The following CLMN variants were observed in gnomAD, a reference collection of about 807,000 sequenced individuals.
The protein encoded by CLMN is calmin.
In CLMN, 57 loss-of-function variants were observed where a neutral mutation model predicts 92.7. The observed-to-expected ratio is 0.61, with a 90% confidence interval of 0.50 to 0.77. The LOEUF (loss-of-function observed/expected upper bound fraction) is 0.77. CLMN is among the 30% of genes least tolerant of loss of function. CLMN has a pLI of 0.00. For missense variants in CLMN, 1,158 were observed against 1,237.5 expected (o/e 0.94, Z 0.96); for synonymous variants, 466 against 470.6 (o/e 0.99, Z 0.13).
intron 1 of CLMN, among the ~76,000 whole-genome samples, chr14:95,264,452 T>C (rs942918350): frequency 4.6e-5 from 7 of 152,226 alleles, no homozygotes; most frequent in African/African-American, 1.4e-4. Flanking sequence ...AAACATTCAG[T>C]CTTTAAGCTC....
At position 95,243,614 on chromosome 14, in the gene CLMN, C is replaced by T. The variant is rs560494480; in HGVS notation, c.83-13481G>A. ...GGGAGCATGGAGAAGAAAAATGATTCCTTGATTTTTTTTTCGGTAAAGTTT... is the reference window on the plus strand; with the variant it reads ...GGGAGCATGGAGAAGAAAAATGATTTCTTGATTTTTTTTTCGGTAAAGTTT... On this transcript the variant is annotated intron_variant, in intron 1 of 12. Transcript: ENST00000298912. Among the ~76,000 whole-genome samples the T allele has an allele frequency of 2.1e-5, 3 of 141,490 alleles. No individual in the cohort carries two copies. In the East Asian group the frequency reaches 5.9e-4, roughly 28 times the overall value. 92.8% of individuals were successfully genotyped at this position (141,490 alleles called of 152,430 possible). A position where few individuals can be genotyped will look rare whatever the true frequency, so the allele number is the denominator to read the frequency against.
At chr14:95,238,425 T>C (rs531748529) in intron 1 of CLMN, among the ~76,000 whole-genome samples, 1 of 147,436 alleles carries the variant, frequency 6.8e-6, no homozygotes, top group East Asian at 1.9e-4. Context: ...AGTCAAGGCC[T>C]CCATGTGGTT....
At chr14:95,274,723 G>T (rs1899855850) in intron 1 of CLMN, among the ~76,000 whole-genome samples, 1 of 152,218 alleles carries the variant, frequency 6.6e-6, no homozygotes, top group Non-Finnish European at 1.5e-5. Flanking sequence ...GCTCACGCCT[G>T]TAATCCCAGC....
rs957827195 is a variant in CLMN, at chr14:95,254,839, T to C, written c.83-24706A>G. 5.9e-5 allele frequency among the ~76,000 whole-genome samples: 9 copies of C among 152,156 alleles called. No individual in the cohort carries two copies. The East Asian group carries it at 1.2e-3, about 20-fold the overall frequency. On this transcript the variant is annotated intron_variant, in intron 1 of 12. Coordinates refer to ENST00000298912, the MANE Select transcript of CLMN (RefSeq NM_024734.4). ...TCAGCCTCCCCAGTAGCCAGGTGTG[T>C]GCCACTATGCCTGGCTAATTTAAAA...
chr14:95,288,492 C>T, intron 1 of CLMN, among the ~76,000 whole-genome samples: 1 of 152,182 alleles, frequency 6.6e-6, no homozygotes, highest in East Asian at 1.9e-4. Flanking sequence ...ACTACAGCAG[C>T]TGGAGCACAG....
At chr14:95,269,267 G>A (rs527317916) in intron 1 of CLMN, among the ~76,000 whole-genome samples, 171 of 151,832 alleles carry the variant, frequency 1.1e-3, no homozygotes, top group Non-Finnish European at 2.0e-3. Flanking sequence ...TGTTTTATGA[G>A]CATTACAATA....
chr14:95,276,428 G>A (rs981247684), intron 1 of CLMN, among the ~76,000 whole-genome samples: 1 of 152,188 alleles, frequency 6.6e-6, no homozygotes, highest in East Asian at 1.9e-4. Flanking sequence ...AGGATCATGG[G>A]ATATGAGGAG....
At chr14:95,298,028 A>T (rs2140772836) in intron 1 of CLMN, among the ~76,000 whole-genome samples, 1 of 152,234 alleles carries the variant, frequency 6.6e-6, no homozygotes, top group South Asian at 2.1e-4. Flanking sequence ...CATTTCCCCC[A>T]GCAGCACACG....
chr14:95,281,155 A>G (rs759001706), intron 1 of CLMN, among the ~76,000 whole-genome samples: 1 of 152,214 alleles, frequency 6.6e-6, no homozygotes, highest in Non-Finnish European at 1.5e-5. Context: ...GCCCCAAATT[A>G]TCTTGAGACC....
At chr14:95,238,650 CCT>C (rs765500486) in intron 1 of CLMN, among the ~76,000 whole-genome samples, 13 of 152,196 alleles carry the variant, frequency 8.5e-5, no homozygotes, top group Non-Finnish European at 1.6e-4. Context: ...TCCACCACCC[CCT>C]GCCACCATGC....
At chr14:95,295,421 G>A (rs955866790) in intron 1 of CLMN, among the ~76,000 whole-genome samples, 2 of 152,160 alleles carry the variant, frequency 1.3e-5, no homozygotes, top group Non-Finnish European at 2.9e-5. Flanking sequence ...GCTCTCCCTG[G>A]GGGGATAGCC....
At chr14:95,316,640 A>G (rs1424625707) in intron 1 of CLMN, among the ~76,000 whole-genome samples, 1 of 152,270 alleles carries the variant, frequency 6.6e-6, no homozygotes, top group Non-Finnish European at 1.5e-5. Context: ...AAAGCCTTGG[A>G]TGAGCAAGTG....
chr14:95,197,225 G>T (rs1896741483), intron 9 of CLMN, among the ~76,000 whole-genome samples: 1 of 151,880 alleles, frequency 6.6e-6, no homozygotes, highest in South Asian at 2.1e-4. Context: ...CTCCAACCTG[G>T]ATGACACAGT....
chr14:95,257,909 G>A (rs375976893), intron 1 of CLMN, among the ~76,000 whole-genome samples: 8 of 152,186 alleles, frequency 5.3e-5, no homozygotes, highest in South Asian at 2.1e-4. Flanking sequence ...AGAGAAAGTC[G>A]GTCCAGACAA....
chr14:95,266,232 G>A (rs1299873502), intron 1 of CLMN, among the ~76,000 whole-genome samples: 1 of 152,002 alleles, frequency 6.6e-6, no homozygotes, highest in Non-Finnish European at 1.5e-5. Context: ...AGAAACGAAG[G>A]GCATCCAAAT....
intron 1 of CLMN, among the ~76,000 whole-genome samples, chr14:95,298,026 C>A (rs1331694610): frequency 6.6e-6 from 1 of 152,172 alleles, no homozygotes; most frequent in Non-Finnish European, 1.5e-5. Flanking sequence ...TGCATTTCCC[C>A]CAGCAGCACA....
At chr14:95,212,575 G>A (rs960307775) in intron 6 of CLMN, among the ~76,000 whole-genome samples, 29 of 152,126 alleles carry the variant, frequency 1.9e-4, no homozygotes, top group African/African-American at 7.0e-4. Flanking sequence ...TATTTTTAAA[G>A]TAGGTACAGA....
intron 1 of CLMN, among the ~76,000 whole-genome samples, chr14:95,281,758 G>T (rs1900152213): frequency 6.6e-6 from 1 of 152,170 alleles, no homozygotes; most frequent in South Asian, 2.1e-4. Context: ...GGAATATATT[G>T]CTGTTGTACT....
intron 1 of CLMN, among the ~76,000 whole-genome samples, chr14:95,231,110 C>T (rs1200069929): frequency 6.6e-6 from 1 of 152,146 alleles, no homozygotes; most frequent in Non-Finnish European, 1.5e-5. Flanking sequence ...TAGGAACTGG[C>T]CTGCACAGCA....
Sources: gnomAD v4.1 joint callset for allele counts (sites outside exome capture counted in the v4.1 genomes callset) on GRCh38, gnomAD v4.1.1 for gene constraint, MANE v1.5 for transcripts, NCBI Gene and HGNC (gene_info 2026-07-23, HGNC 2026-07-21) for gene names.